The following ARHGEF28 variants were observed in gnomAD, a reference collection of about 807,000 sequenced individuals.
ARHGEF28 encodes Rho guanine nucleotide exchange factor 28, also known as 190 kDa guanine nucleotide exchange factor.
A neutral mutation model predicts 206.6 loss-of-function variants in ARHGEF28; 152 were observed. The observed-to-expected ratio is 0.74, with a 90% CI of 0.64 to 0.84. ARHGEF28 has a LOEUF of 0.84. ARHGEF28 is among the 40% of genes least tolerant of loss of function. The pLI is 0.00. For missense variants in ARHGEF28, 2,028 were observed against 2,073.2 expected, an observed-to-expected ratio of 0.98 and a Z score of 0.42; for synonymous variants, 763 against 776.4, an observed-to-expected ratio of 0.98 and a Z score of 0.29.
intron 9 of ARHGEF28, among the ~76,000 whole-genome samples, chr5:73,830,208 T>G (rs547183037): frequency 6.6e-6 from 1 of 152,276 alleles, no homozygotes; most frequent in East Asian, 1.9e-4. Flanking sequence ...ACCAAACTTA[T>G]GGGGAAAATT....
At chr5:73,674,181 C>G (rs1746514114) in intron 1 of ARHGEF28, among the ~76,000 whole-genome samples, 1 of 152,054 alleles carries the variant, frequency 6.6e-6, no homozygotes, top group South Asian at 2.1e-4. Flanking sequence ...AAAACAAAAA[C>G]AAAACCAAAA....
chr5:73,766,187 A>C (rs1752891584), intron 4 of ARHGEF28, among the ~76,000 whole-genome samples: 2 of 152,162 alleles, frequency 1.3e-5, no homozygotes, highest in South Asian at 4.2e-4. Flanking sequence ...AAAACAAAAC[A>C]AAACAAAACA....
intron 4 of ARHGEF28, among the ~76,000 whole-genome samples, chr5:73,756,578 A>G (rs1229139010): frequency 6.6e-6 from 1 of 152,140 alleles, no homozygotes; most frequent in African/African-American, 2.4e-5. Flanking sequence ...TCAGCCCACC[A>G]TGTGTTTAAA....
chr5:73,722,653 G>T (rs1750030969), intron 2 of ARHGEF28, among the ~76,000 whole-genome samples: 2 of 152,180 alleles, frequency 1.3e-5, no homozygotes, highest in Non-Finnish European at 2.9e-5. Flanking sequence ...AAACTTCAAA[G>T]TACGACTCCT....
At chr5:73,682,418 CTTTT>C (rs113519554) in intron 1 of ARHGEF28, among the ~76,000 whole-genome samples, 2 of 140,708 alleles carry the variant, frequency 1.4e-5, no homozygotes, top group Admixed American at 7.1e-5. Flanking sequence ...ACAATTCATT[CTTTT>C]TTTTTTTTTT....
chr5:73,761,171 G>T (rs1261509884), intron 4 of ARHGEF28, among the ~76,000 whole-genome samples: 1 of 152,120 alleles, frequency 6.6e-6, no homozygotes, highest in Non-Finnish European at 1.5e-5. Context: ...AACGTAGCAG[G>T]ATGCATATAG....
intron 1 of ARHGEF28, among the ~76,000 whole-genome samples, chr5:73,665,578 G>C (rs1332162517): frequency 2.0e-5 from 3 of 152,158 alleles, no homozygotes; most frequent in African/African-American, 7.2e-5. Flanking sequence ...TTTGGTTCAT[G>C]GTTCTGGAGG....
In ARHGEF28 at chr5:73,904,366, A is replaced by T; in HGVS notation, c.4122A>T (p.Gln1374His). 1 of 1,613,282 alleles carries T rather than the reference A, an allele frequency of 6.2e-7. No homozygotes were observed. The highest frequency in any genetic ancestry group is 8.5e-7 in the Non-Finnish European group (1 of 1,179,580). ...ACAATTTTGTTTTTCAGATTATACA[A>T]GCCATACAGAATTTAACCCGTCTCT... ...FPGSSQSEII[Q>H]AIQNLTRLLY... Residue 1374 changes from glutamine to histidine, a missense_variant, in exon 33 of 36, where the codon CAA (glutamine) becomes CAT (histidine). Gln to His is a conservative substitution (Grantham distance 24). Around this residue, in one of 3 missense-constraint regions of ARHGEF28, gnomAD observed 803 missense variants for 768.0 expected, o/e 1.05. Coordinates refer to ENST00000513042, the MANE Select transcript of ARHGEF28 (RefSeq NM_001177693.2).
chr5:73,808,307 C>T (rs989581506), intron 9 of ARHGEF28, among the ~76,000 whole-genome samples: 3 of 152,130 alleles, frequency 2.0e-5, no homozygotes. Context: ...TGGCTGTACC[C>T]ATCATTTCAT....
chr5:73,663,012 A>G (rs1745705093), intron 1 of ARHGEF28, among the ~76,000 whole-genome samples: 1 of 152,108 alleles, frequency 6.6e-6, no homozygotes, highest in African/African-American at 2.4e-5. Flanking sequence ...CTGGAGTGCA[A>G]TGGCCCAATC....
chr5:73,862,249 C>T (rs1191298650), intron 16 of ARHGEF28, among the ~76,000 whole-genome samples: 1 of 152,078 alleles, frequency 6.6e-6, no homozygotes, highest in African/African-American at 2.4e-5. Context: ...TAACCTTAAT[C>T]AACATAAAAT....
chr5:73,883,101 G>A lies in ARHGEF28; in HGVS notation c.2937+507G>A, dbSNP rs535259784. Among the ~76,000 whole-genome samples, 206 of 152,150 alleles carry A rather than the reference G, an allele frequency of 1.4e-3. 1 individual carries two copies. The highest frequency in any genetic ancestry group is 5.7e-3 in the Admixed American group (87 of 15,282). On this transcript the variant is annotated intron_variant, in intron 23 of 35. Transcript: ENST00000513042. ...TTACTTAAATCAGAATCTGACCAAG[G>A]TTCACTTATTGTATGAGGTGGTTAT...
chr5:73,933,119 TTTCTTAC>T (rs1764227689), intron 35 of ARHGEF28, among the ~76,000 whole-genome samples: 1 of 149,946 alleles, frequency 6.7e-6, no homozygotes, highest in African/African-American at 2.4e-5. Flanking sequence ...CTATTTCCTA[TTTCTTAC>T]ATATTACTTT....
intron 35 of ARHGEF28, among the ~76,000 whole-genome samples, chr5:73,930,704 T>A (rs1764063992): frequency 2.0e-5 from 3 of 152,254 alleles, no homozygotes; most frequent in Admixed American, 2.0e-4. Flanking sequence ...TTGTTTTTTA[T>A]TTGCATACCT....
At chr5:73,668,070 G>A (rs1053470868) in intron 1 of ARHGEF28, among the ~76,000 whole-genome samples, 8 of 152,054 alleles carry the variant, frequency 5.3e-5, no homozygotes, top group South Asian at 2.1e-4. Flanking sequence ...CTCTCCATAC[G>A]GCACTTGTCT....
At chr5:73,907,406 CAA>C (rs1276799929) in intron 33 of ARHGEF28, among the ~76,000 whole-genome samples, 2 of 152,202 alleles carry the variant, frequency 1.3e-5, no homozygotes, top group Admixed American at 1.3e-4. Flanking sequence ...TGGGAAATAT[CAA>C]AGTCTACAGT....
At chr5:73,789,536 A>G (rs1428325069) in intron 7 of ARHGEF28, among the ~76,000 whole-genome samples, 1 of 152,160 alleles carries the variant, frequency 6.6e-6, no homozygotes, top group Non-Finnish European at 1.5e-5. Context: ...ATTGAAGTGT[A>G]TACTCTAAAT....
chr5:73,746,335 G>C (rs1338423163), intron 2 of ARHGEF28, among the ~76,000 whole-genome samples: 2 of 152,090 alleles, frequency 1.3e-5, no homozygotes, highest in Non-Finnish European at 2.9e-5. Flanking sequence ...TTGGTGGAAT[G>C]CAATTAAAAA....
chr5:73,674,156 G>A (rs1424053181), intron 1 of ARHGEF28, among the ~76,000 whole-genome samples: 3 of 152,170 alleles, frequency 2.0e-5, no homozygotes, highest in African/African-American at 7.2e-5. Flanking sequence ...GGGTGACAGA[G>A]TGAGACTCTG....
Sources: gnomAD v4.1 joint callset for allele counts (sites outside exome capture counted in the v4.1 genomes callset) on GRCh38, gnomAD v4.1.1 for gene constraint, gnomAD v4.1.1 regional missense constraint, MANE v1.5 for transcripts, NCBI Gene and HGNC (gene_info 2026-07-23, HGNC 2026-07-21) for gene names.